USH1C: variants seen among roughly 807,000 people sequenced by gnomAD.
The protein encoded by USH1C is USH1 protein network component harmonin.
Under a neutral mutation model 119.3 loss-of-function variants are expected in USH1C, and 90 were observed. The ratio of observed to expected loss-of-function variants is 0.75; its 90% confidence interval spans 0.64 to 0.90. USH1C has a LOEUF of 0.90. USH1C is among the 40% of genes least tolerant of loss of function. The probability of loss-of-function intolerance (pLI) is 0.00; values close to 1 mark genes in which losing one functional copy is unlikely to be tolerated. For missense variants in USH1C, 1,165 were observed against 1,167.7 expected, an observed-to-expected ratio of 1.00 and a Z score of 0.03; for synonymous variants, 465 against 443.3, an observed-to-expected ratio of 1.05 and a Z score of -0.62.
In USH1C at chr11:17,494,094, T is replaced by C; in HGVS notation, c.*238A>G. 1.8e-6 allele frequency: 1 copy of C among 569,196 alleles called. No homozygotes were observed. 35.3% of individuals were successfully genotyped at this position (569,196 alleles called of 1,614,324 possible). On this transcript the variant is annotated 3_prime_UTR_variant, in exon 27 of 27. Coordinates refer to ENST00000005226, the MANE Select transcript of USH1C (RefSeq NM_153676.4). The stretch of plus-strand genomic sequence containing the variant: ...CTGGGCCAGAGGAAAGGAATGAGAG[T>C]CTGGATCCTTGAGATCTTCTCCCAA...
At position 17,525,348 on chromosome 11, in the gene USH1C, T is replaced by C. The variant is rs148627383; in HGVS notation, c.675-813A>G. ...CTGTTGTCTCCCAGAAAGGTGGGAC[T>C]TTTTATCACTTGTGCTTGGCACAAA... is the stretch of plus-strand genomic sequence containing the variant. On this transcript the variant is annotated intron_variant, in intron 8 of 26. Transcript: ENST00000005226. Among the ~76,000 whole-genome samples the C allele has an allele frequency of 2.1e-3, 313 of 152,374 alleles. 2 individuals are homozygous for C. The highest frequency in any genetic ancestry group is 7.0e-3 in the African/African-American group (290 of 41,586).
At chr11:17,494,616 A>ATGGG (rs1209419993) in intron 26 of USH1C, 1 of 594,060 alleles carries the variant, frequency 1.7e-6, no homozygotes, top group African/African-American at 1.9e-5. Flanking sequence ...GGAGACTGGG[A>ATGGG]GGAACAGGGG....
At position 17,511,904 on chromosome 11, in the gene USH1C, C is replaced by G; in HGVS notation, c.1411G>C (p.Glu471Gln). The change falls in exon 16 of 27, where the codon GAG (glutamate) becomes CAG (glutamine). Residue 471 changes from glutamate (E) to glutamine (Q), a missense_variant and splice_region_variant. Physicochemically the swap from Glu to Gln is conservative, Grantham distance 29. Transcript: ENST00000005226. ...KQLKINRLAQEVSETEREDLE... is the reference protein window; with the variant it reads ...KQLKINRLAQQVSETEREDLE... ...TGGCCTGCAGGCAGGACACATACCTCCTGGGCCAGCCGGTTGATCTTTAGC... is the reference window on the plus strand; with the variant it reads ...TGGCCTGCAGGCAGGACACATACCTGCTGGGCCAGCCGGTTGATCTTTAGC... 6.2e-7 allele frequency: 1 copy of G among 1,613,572 alleles called. No homozygotes were observed. The highest frequency in any genetic ancestry group is 1.1e-5 in the South Asian group (1 of 90,982).
intron 23 of USH1C, among the ~76,000 whole-genome samples, chr11:17,498,547 A>G (rs1849324357): frequency 6.6e-6 from 1 of 152,194 alleles, no homozygotes; most frequent in Admixed American, 6.5e-5. Flanking sequence ...AGAGGGACAC[A>G]GACCTGCATT....
At chr11:17,508,965 A>C (rs1352365733) in intron 18 of USH1C, among the ~76,000 whole-genome samples, 2 of 152,116 alleles carry the variant, frequency 1.3e-5, no homozygotes, top group Non-Finnish European at 2.9e-5. Context: ...TCCCATATTC[A>C]AGGCTTTCTG....
At chr11:17,535,270 C>T (rs532229297) in intron 1 of USH1C, among the ~76,000 whole-genome samples, 1 of 152,270 alleles carries the variant, frequency 6.6e-6, no homozygotes, top group African/African-American at 2.4e-5. Flanking sequence ...GCTACAAAGT[C>T]CTCCTTTCAG....
At chr11:17,521,532 C>A in intron 12 of USH1C, 121 bp from the exon 13 acceptor site, 5 of 983,090 alleles carry the variant, frequency 5.1e-6, no homozygotes, top group Non-Finnish European at 8.1e-6. Flanking sequence ...TCCTAGGAGG[C>A]CTGGACCAGC....
rs550964012 is a variant in USH1C, at chr11:17,524,539, C to T, written c.675-4G>A. On this transcript the variant is annotated splice_region_variant and splice_polypyrimidine_tract_variant and intron_variant, in intron 8 of 26. Transcript: ENST00000005226. Reference sequence around the variant, plus strand: ...CTGGATGGGGCCGCTGGAAATGCTGCGGGAGGTGGGAAATGTGTGCTCGGG... The same window carrying T: ...CTGGATGGGGCCGCTGGAAATGCTGTGGGAGGTGGGAAATGTGTGCTCGGG... 39 of 1,556,658 alleles carry T rather than the reference C, an allele frequency of 2.5e-5. No individual in the cohort carries two copies. Among genetic ancestry groups the T allele is most frequent in the Admixed American group, 1.1e-4 (6 of 52,208 alleles).
intron 20 of USH1C, 149 bp downstream of exon 20, chr11:17,504,498 A>G (rs1226846124): frequency 2.4e-6 from 2 of 848,286 alleles, no homozygotes; most frequent in African/African-American, 1.7e-5. Context: ...TGCGCAGGCA[A>G]TGGAGGACAC....
intron 25 of USH1C, 124 bp from the exon 26 acceptor site, chr11:17,495,801 A>G (rs1849228410): frequency 9.7e-7 from 1 of 1,035,548 alleles, no homozygotes; most frequent in Non-Finnish European, 1.5e-6. Flanking sequence ...GGGTTCCAGA[A>G]TTAGGAGCTG....
rs2133974701 is a variant in USH1C, at chr11:17,544,324, G to T, written c.-17C>A. 2 of 1,613,974 alleles carry T rather than the reference G, an allele frequency of 1.2e-6. No individual in the cohort carries two copies. Among genetic ancestry groups the T allele is most frequent in the South Asian group, 2.2e-5 (2 of 91,090 alleles). On this transcript the variant is annotated 5_prime_UTR_variant, in exon 1 of 27. In the 5' UTR this introduces an upstream ATG that the reference lacks. Transcript: ENST00000005226. ...TCGGTCCATGGCTGGGCCAGGTCCA[G>T]CTGCGTCGTTGCACGACCCGTTCCT... is the stretch of plus-strand genomic sequence containing the variant.
intron 24 of USH1C, 23 bp downstream of exon 24, chr11:17,498,139 G>A (rs758032581): frequency 2.5e-5 from 40 of 1,604,248 alleles, no homozygotes; most frequent in Non-Finnish European, 3.3e-5. Context: ...AGGGAGGAAA[G>A]GAGGGAGGGG....
chr11:17,526,701 C>T, intron 7 of USH1C, 52 bp downstream of exon 7: 2 of 1,585,484 alleles, frequency 1.3e-6, no homozygotes, highest in Non-Finnish European at 8.7e-7. Flanking sequence ...CCGGCCACCC[C>T]TCCTTGAAGA....
chr11:17,521,716 CG>C (rs943251261), intron 12 of USH1C, among the ~76,000 whole-genome samples: 5 of 152,282 alleles, frequency 3.3e-5, no homozygotes, highest in African/African-American at 1.2e-4. Context: ...TGATGACAGG[CG>C]GGGCCTGGAC....
At chr11:17,517,099 A>AG (rs1055122711) in intron 14 of USH1C, among the ~76,000 whole-genome samples, 18 of 152,262 alleles carry the variant, frequency 1.2e-4, no homozygotes, top group African/African-American at 3.8e-4. Context: ...AGAGTGGTCT[A>AG]GGGGGTCCTG....
At chr11:17,526,617 G>C in intron 7 of USH1C, 136 bp downstream of exon 7, 1 of 1,158,396 alleles carries the variant, frequency 8.6e-7, no homozygotes, top group East Asian at 2.5e-5. Flanking sequence ...GCCCCACAGC[G>C]GTGTGCTGGC....
chr11:17,521,353 T>C lies in USH1C; in HGVS notation c.1078A>G (p.Met360Val), dbSNP rs756115246. ...TGGAGCCGAGGTACTCACTGTTCCA[T>C]CTCCTTCCGGTATCTCTCATTTTCC... is the stretch of plus-strand genomic sequence containing the variant. ...AEENERYRKE[M>V]EQIVEEEEKF... Residue 360 changes from methionine to valine, a missense_variant, in exon 13 of 27, where the codon ATG (methionine) becomes GTG (valine). Physicochemically the swap from Met to Val is conservative, Grantham distance 21. Coordinates refer to ENST00000005226, the MANE Select transcript of USH1C (RefSeq NM_153676.4). 1.2e-6 allele frequency: 2 copies of C among 1,614,172 alleles called. No homozygotes were observed. The highest frequency in any genetic ancestry group is 1.7e-5 in the Admixed American group (1 of 60,028).
chr11:17,544,307 TG>T lies in USH1C; in HGVS notation c.-1del. The T allele has an allele frequency of 6.2e-7, 1 of 1,614,044 alleles. No homozygotes were observed. Among genetic ancestry groups the T allele is most frequent in the Non-Finnish European group, 8.5e-7 (1 of 1,179,966 alleles). ...AATTCTCGGGCCACTTTTCGGTCCA[TG>T]GCTGGGCCAGGTCCAGCTGCGTCGT... On this transcript the variant is annotated 5_prime_UTR_variant, in exon 1 of 27. Coordinates refer to ENST00000005226, the MANE Select transcript of USH1C (RefSeq NM_153676.4).
chr11:17,501,662 G>T, intron 21 of USH1C, 127 bp from the exon 22 acceptor site: 8 of 1,143,480 alleles, frequency 7.0e-6, no homozygotes, highest in Non-Finnish European at 9.0e-6. Context: ...CAAGGGGACC[G>T]TGCCCAGCCC....
Sources: gnomAD v4.1 joint callset for allele counts (sites outside exome capture counted in the v4.1 genomes callset) on GRCh38, gnomAD v4.1.1 for gene constraint, MANE v1.5 for transcripts, NCBI Gene and HGNC (gene_info 2026-07-23, HGNC 2026-07-21) for gene names.